MYH7: variants seen among roughly 807,000 people sequenced by gnomAD.
The protein encoded by MYH7 is myosin-7.
A neutral mutation model predicts 225.4 loss-of-function variants in MYH7; 129 were observed. The ratio of observed to expected loss-of-function variants is 0.57; its 90% CI spans 0.50 to 0.66. The LOEUF (loss-of-function observed/expected upper bound fraction) is 0.66, where lower values mean the gene tolerates loss of function less well. MYH7 is among the 30% of genes least tolerant of loss of function. MYH7 has a pLI of 0.00. For synonymous variants in MYH7, 971 were observed against 1,007.6 expected (o/e 0.96, Z 0.69); for missense variants, 1,649 against 2,517.0 (o/e 0.66, Z 7.38).
At chr14:23,428,296 C>T (rs1892778095) in intron 15 of MYH7, among the ~76,000 whole-genome samples, 1 of 152,196 alleles carries the variant, frequency 6.6e-6, no homozygotes, top group Admixed American at 6.5e-5. Context: ...CATGTGTCCA[C>T]TTTCAAGCCC....
chr14:23,419,074 G>A (rs1892353156), intron 29 of MYH7, 103 bp downstream of exon 29: 1 of 1,051,966 alleles, frequency 9.5e-7, no homozygotes, highest in Non-Finnish European at 1.5e-6. Context: ...TTGGAGAACT[G>A]TTGGTCCACA....
chr14:23,422,766 G>A (rs1892534263), intron 24 of MYH7, among the ~76,000 whole-genome samples: 1 of 151,878 alleles, frequency 6.6e-6, no homozygotes, highest in Non-Finnish European at 1.5e-5. Flanking sequence ...GAGTAGCTGG[G>A]ACTACAGGCG....
At chr14:23,416,463 G>A in intron 33 of MYH7, 151 bp from the exon 34 acceptor site, 1 of 954,734 alleles carries the variant, frequency 1.0e-6, no homozygotes, top group Non-Finnish European at 1.5e-6. Flanking sequence ...GAATCTAAGA[G>A]AAAATAAAAA....
In MYH7 at chr14:23,425,532, A is replaced by G. The variant is rs1892659831; in HGVS notation, c.2287-114T>C. On this transcript the variant is annotated intron_variant, in intron 20 of 39. Coordinates refer to ENST00000355349, the MANE Select transcript of MYH7 (RefSeq NM_000257.4). This position sits in a 1 kb window ranked among gnomAD's most constrained non-coding sequence, Gnocchi z 4.6. ...GAAAAGGATTGCAGGGAGGAGGTCAATGGCAGCTGGAGCTGGGATGAGGGG... is the reference window on the plus strand; with the variant it reads ...GAAAAGGATTGCAGGGAGGAGGTCAGTGGCAGCTGGAGCTGGGATGAGGGG... The G allele has an allele frequency of 5.0e-6, 8 of 1,585,218 alleles. No homozygotes were observed. The South Asian group carries it at 5.6e-5, about 11-fold the overall frequency.
In MYH7 at chr14:23,413,854, C is replaced by G; in HGVS notation, c.5695G>C (p.Val1899Leu). The G allele has an allele frequency of 6.2e-7, 1 of 1,614,254 alleles. No homozygotes were observed. The highest frequency in any genetic ancestry group is 1.1e-5 in the South Asian group (1 of 91,082). The change falls in exon 39 of 40, where the codon GTG becomes CTG. Residue 1899 changes from valine (V) to leucine (L), a missense_variant. Coordinates refer to ENST00000355349, the MANE Select transcript of MYH7 (RefSeq NM_000257.4). ...TCTGCCTCATCCAGCTCGTGCTGCACCTTGCGGAACTTGGACAGGTTGGTG... is the reference window on the plus strand; with the variant it reads ...TCTGCCTCATCCAGCTCGTGCTGCAGCTTGCGGAACTTGGACAGGTTGGTG... Reference protein sequence around the residue: ...ANTNLSKFRKVQHELDEAEER... With the variant: ...ANTNLSKFRKLQHELDEAEER...
In MYH7 at chr14:23,415,007, C is replaced by T. The variant is rs1410008788; in HGVS notation, c.5547G>A (p.Glu1849=). ...GMRKSERRIK[E]LTYQTEEDRK... ...CCGCCCGTCGCACCTGGTAGGTGAG[C>T]TCCTTGATGCGCCGCTCGCTCTTCC... The change falls in exon 37 of 40, where the codon GAG becomes GAA. Residue 1849 remains glutamate, a synonymous_variant. Transcript: ENST00000355349. The surrounding 1 kb of genome is among the most constrained non-coding windows in gnomAD (Gnocchi z 6.3). The T allele has an allele frequency of 3.7e-6, 6 of 1,608,222 alleles. No individual in the cohort carries two copies. In the South Asian group the frequency reaches 4.4e-5, roughly 12 times the overall value.
rs1248522536 is a variant in MYH7, at chr14:23,425,867, C to G, written c.2163-49G>C. The G allele has an allele frequency of 6.2e-7, 1 of 1,613,260 alleles. No individual in the cohort carries two copies. Among genetic ancestry groups the G allele is most frequent in the Non-Finnish European group, 8.5e-7 (1 of 1,179,998 alleles). On this transcript the variant is annotated intron_variant, in intron 19 of 39. Transcript: ENST00000355349. This position sits in a 1 kb window ranked among gnomAD's most constrained non-coding sequence, Gnocchi z 4.6. ...CACCCATGCTCTGCAGTGATCTGCT[C>G]TGCCCATAGAATTCCAGGGTCACCT...
At chr14:23,434,040 T>G (rs898118063) in intron 2 of MYH7, 154 bp downstream of exon 2, 16 of 247,242 alleles carry the variant, frequency 6.5e-5, no homozygotes, top group African/African-American at 3.7e-4. Flanking sequence ...GACCCTCATC[T>G]ATCCCTGGAC....
rs768723855 is a variant in MYH7 at position 23,416,922 on chromosome 14, T to G, written c.4590A>C (p.Arg1530=). The stretch of plus-strand genomic sequence containing the variant: ...CCATCTTCTCGGCCTCCAGCTGCTT[T>G]CGGACCTTCTCCAGCTCATGGATAG... ...GKTIHELEKV[R]KQLEAEKMEL... The change falls in exon 33 of 40, where the codon CGA becomes CGC. Residue 1530 remains arginine (R), a synonymous_variant. Transcript: ENST00000355349. The G allele has an allele frequency of 6.2e-7, 1 of 1,614,238 alleles. No homozygotes were observed.
intron 10 of MYH7, 89 bp from the exon 11 acceptor site, chr14:23,430,752 C>A: frequency 7.5e-7 from 1 of 1,334,038 alleles, no homozygotes; most frequent in African/African-American, 1.4e-5. Flanking sequence ...AGGAAGAGCA[C>A]AGGACAGGGC....
intron 32 of MYH7, 49 bp from the exon 33 acceptor site, chr14:23,417,041 G>T: frequency 6.2e-7 from 1 of 1,614,126 alleles, no homozygotes; most frequent in Non-Finnish European, 8.5e-7. Flanking sequence ...AGGTCCAGTG[G>T]AGTTGGAGGG....
In MYH7 at chr14:23,419,880, C is replaced by T. The variant is rs1892398214; in HGVS notation, c.3691G>A (p.Val1231Ile). 6 of 1,613,698 alleles carry T rather than the reference C, an allele frequency of 3.7e-6. No individual in the cohort carries two copies. The highest frequency in any genetic ancestry group is 4.2e-6 in the Non-Finnish European group (5 of 1,179,796). The change falls in exon 27 of 40, where the codon GTC (valine) becomes ATC (isoleucine). Residue 1231 changes from valine (V) to isoleucine (I), a missense_variant. By Grantham distance (29) the Val-to-Ile change is conservative. This residue lies in a region of MYH7 where 106 missense variants were observed against 198.8 expected (regional missense o/e 0.53). Coordinates refer to ENST00000355349, the MANE Select transcript of MYH7 (RefSeq NM_000257.4). Reference protein sequence around the residue: ...KSEFKLELDDVTSNMEQIIKA... With the variant: ...KSEFKLELDDITSNMEQIIKA... ...ATGATCTGCTCCATGTTGGAGGTGACGTCATCCAGCTCCAGCTTGAACTCG... is the reference window on the plus strand; with the variant it reads ...ATGATCTGCTCCATGTTGGAGGTGATGTCATCCAGCTCCAGCTTGAACTCG...
intron 26 of MYH7, 104 bp from the exon 27 acceptor site, chr14:23,420,338 G>A: frequency 3.9e-6 from 6 of 1,539,474 alleles, no homozygotes; most frequent in Non-Finnish European, 3.5e-6. Flanking sequence ...AGTCAGTTTA[G>A]CTCTTCCAGT....
Position 23,417,535 on chromosome 14 carries a change from C to A in MYH7, c.4321G>T (p.Ala1441Ser), listed in dbSNP as rs745414245. ...AAGTTCCTCTGCTTCTTGTCCAGGG[C>A]TGCAGCAGCAGCATTGGAGCGCTCT... ...DVERSNAAAA[A>S]LDKKQRNFDK... Residue 1441 changes from alanine to serine, a missense_variant, in exon 31 of 40, where the codon GCC (alanine) becomes TCC (serine). Around this residue, in one of 12 missense-constraint regions of MYH7, gnomAD observed 687 missense variants for 913.8 expected, o/e 0.75. Coordinates refer to ENST00000355349, the MANE Select transcript of MYH7 (RefSeq NM_000257.4). 73 of 1,612,228 alleles carry A rather than the reference C, an allele frequency of 4.5e-5. No homozygotes were observed. The highest frequency in any genetic ancestry group is 5.7e-5 in the Non-Finnish European group (67 of 1,180,046).
rs1258085228 is a variant in MYH7 at position 23,433,956 on chromosome 14, C to T, written c.-8-216G>A. ...AAGGAACAACTAACTATTGTTCAAG[C>T]TGGGGCTCTCCTAGGGGAAGGAAGA... On this transcript the variant is annotated intron_variant, in intron 2 of 39. Transcript: ENST00000355349. This position sits in a 1 kb window ranked among gnomAD's most constrained non-coding sequence, Gnocchi z 4.1. Among the ~76,000 whole-genome samples, 1 of 152,206 alleles carries T rather than the reference C, an allele frequency of 6.6e-6. No individual in the cohort carries two copies. The highest frequency in any genetic ancestry group is 1.5e-5 in the Non-Finnish European group (1 of 68,008).
At position 23,415,676 on chromosome 14, in the gene MYH7, G is replaced by A. The variant is rs727504844; in HGVS notation, c.5110C>T (p.Gln1704Ter). 1 of 1,614,038 alleles carries A rather than the reference G, an allele frequency of 6.2e-7. No individual in the cohort carries two copies. The highest frequency in any genetic ancestry group is 8.5e-7 in the Non-Finnish European group (1 of 1,180,034). The change falls in exon 35 of 40, where the codon CAG becomes TAG. Residue 1704 changes from glutamine (Q) to a stop codon, truncating the protein, a stop_gained. Coordinates refer to ENST00000355349, the MANE Select transcript of MYH7 (RefSeq NM_000257.4). LOFTEE classifies it high-confidence loss of function. This position sits in a 1 kb window ranked among gnomAD's most constrained non-coding sequence, Gnocchi z 6.3. ...CGCTCACTAGTCTCAATCAGCTCCT[G>A]CTCCGCCAGCTTCCGGGACCGCTCT... The part of the protein sequence containing the change: ...QTERSRKLAE[Q>*]ELIETSERVQ...
intron 25 of MYH7, chr14:23,421,638 A>G: frequency 1.6e-5 from 9 of 574,724 alleles, no homozygotes; most frequent in Non-Finnish European, 1.8e-5. Flanking sequence ...TAAGACCTTC[A>G]ATTATCAAAA....
chr14:23,425,845 C>A lies in MYH7; in HGVS notation c.2163-27G>T, dbSNP rs376881415. Reference sequence around the variant, plus strand: ...TGAGGAGGGAAGTGTCCAGAGTCACCCATGCTCTGCAGTGATCTGCTCTGC... The same window carrying A: ...TGAGGAGGGAAGTGTCCAGAGTCACACATGCTCTGCAGTGATCTGCTCTGC... On this transcript the variant is annotated intron_variant, in intron 19 of 39. Transcript: ENST00000355349. This position sits in a 1 kb window ranked among gnomAD's most constrained non-coding sequence, Gnocchi z 4.6. 3 of 1,613,708 alleles carry A rather than the reference C, an allele frequency of 1.9e-6. No homozygotes were observed. Among genetic ancestry groups the A allele is most frequent in the South Asian group, 1.1e-5 (1 of 91,056 alleles).
Position 23,420,088 on chromosome 14 carries a change from G to C in MYH7, c.3483C>G (p.Ile1161Met), listed in dbSNP as rs778909719. 6 of 1,599,166 alleles carry C rather than the reference G, an allele frequency of 3.8e-6. No homozygotes were observed. The highest frequency in any genetic ancestry group is 2.2e-5 in the East Asian group (1 of 44,492). Residue 1161 changes from isoleucine (I) to methionine (M), a missense_variant, in exon 27 of 40, where the codon ATC (isoleucine) becomes ATG (methionine). Around this residue, in one of 12 missense-constraint regions of MYH7, gnomAD observed 106 missense variants for 198.8 expected, o/e 0.53. Coordinates refer to ENST00000355349, the MANE Select transcript of MYH7 (RefSeq NM_000257.4). ...CGGCCTCGCGCTTCTTGTTCATCTC[G>C]ATCTGCACGGACGTGGCCCCGCCGG... ...EEAGGATSVQ[I>M]EMNKKREAEF...
Sources: allele counts gnomAD v4.1 joint callset (sites outside exome capture counted in the v4.1 genomes callset), GRCh38; gene constraint gnomAD v4.1.1; regional missense constraint gnomAD v4.1.1; non-coding constraint Gnocchi (gnomAD v3.1); transcripts MANE v1.5; gene names NCBI Gene and HGNC (gene_info 2026-07-23, HGNC 2026-07-21).